NFIX: variants seen among roughly 807,000 people sequenced by gnomAD.
The protein encoded by NFIX is nuclear factor I X, also known as nuclear factor 1 X-type.
A neutral mutation model predicts 53.3 loss-of-function variants in NFIX; 2 were observed. That is an observed-to-expected ratio of 0.04 (90% CI 0.02 to 0.12). NFIX has a LOEUF of 0.12. Ranked by LOEUF, NFIX falls within the 10% of genes least tolerant of loss-of-function variation. The pLI, the probability that NFIX is intolerant of heterozygous loss-of-function variation, is 1.00. For missense variants in NFIX, 310 were observed against 674.5 expected (o/e 0.46, Z 5.99); for synonymous variants, 244 against 289.0 (o/e 0.84, Z 1.58).
At chr19:13,062,017 A>T (rs974677586) in intron 2 of NFIX, among the ~76,000 whole-genome samples, 2 of 152,068 alleles carry the variant, frequency 1.3e-5, no homozygotes, top group African/African-American at 2.4e-5. Flanking sequence ...TCCAAGCTGG[A>T]AATTTGCAGT....
rs928498898 is a variant in NFIX at position 13,027,709 on chromosome 19, C to T, written c.559+2157C>T. Among the ~76,000 whole-genome samples the T allele has an allele frequency of 2.0e-5, 3 of 152,100 alleles. No homozygotes were observed. The highest frequency in any genetic ancestry group is 2.9e-5 in the Non-Finnish European group (2 of 68,026). On this transcript the variant is annotated intron_variant, in intron 2 of 10. Transcript: ENST00000592199. This position sits in a 1 kb window ranked among gnomAD's most constrained non-coding sequence, Gnocchi z 4.3. ...ATGAAAAGTATGTGAGGAAGCAGACCGTTTCCTGGCCAGAAGAAAGGCCCC... is the reference window on the plus strand; with the variant it reads ...ATGAAAAGTATGTGAGGAAGCAGACTGTTTCCTGGCCAGAAGAAAGGCCCC...
At position 13,009,001 on chromosome 19, in the gene NFIX, G is replaced by A. The variant is rs967389827; in HGVS notation, c.27+13137G>A. On this transcript the variant is annotated intron_variant, in intron 1 of 10. Transcript: ENST00000592199. This position sits in a 1 kb window ranked among gnomAD's most constrained non-coding sequence, Gnocchi z 4.7. ...GTCCTCACCGAGGTAGATTTGCGGG[G>A]GTCTCCCAGTCCCAGTCCCACACAC... Among the ~76,000 whole-genome samples, 3 of 152,124 alleles carry A rather than the reference G, an allele frequency of 2.0e-5. No individual in the cohort carries two copies. Among genetic ancestry groups the A allele is most frequent in the Admixed American group, 2.0e-4 (3 of 15,276 alleles).
At position 13,009,100 on chromosome 19, in the gene NFIX, C is replaced by T. The variant is rs1329207869; in HGVS notation, c.27+13236C>T. ...AGTCTGTCGCGCAGTGACAGCCTGT[C>T]ACAAGCACCGCCGCACACCGGCACA... On this transcript the variant is annotated intron_variant, in intron 1 of 10. Transcript: ENST00000592199. The surrounding 1 kb of genome is among the most constrained non-coding windows in gnomAD (Gnocchi z 4.7). Among the ~76,000 whole-genome samples the T allele has an allele frequency of 6.6e-6, 1 of 152,212 alleles. No individual in the cohort carries two copies. The highest frequency in any genetic ancestry group is 2.4e-5 in the African/African-American group (1 of 41,442).
chr19:13,094,381 C>T lies in NFIX; in HGVS notation c.1495-254C>T, dbSNP rs1365528613. On this transcript the variant is annotated intron_variant, in intron 10 of 10. Coordinates refer to ENST00000592199, the MANE Select transcript of NFIX (RefSeq NM_001365902.3). The surrounding 1 kb of genome is among the most constrained non-coding windows in gnomAD (Gnocchi z 4.3). ...CCATGGGGGTCCCACCCGCTGGGCACAGTGCCCACGGGAAGGCCAGCTGGA... is the reference window on the plus strand; with the variant it reads ...CCATGGGGGTCCCACCCGCTGGGCATAGTGCCCACGGGAAGGCCAGCTGGA... Among the ~76,000 whole-genome samples the T allele has an allele frequency of 6.6e-6, 1 of 152,240 alleles. No individual in the cohort carries two copies. The highest frequency in any genetic ancestry group is 2.4e-5 in the African/African-American group (1 of 41,464).
chr19:13,061,077 C>T (rs2016047874), intron 2 of NFIX, among the ~76,000 whole-genome samples: 1 of 143,622 alleles, frequency 7.0e-6, no homozygotes. Flanking sequence ...GTCACGTGGC[C>T]TTAGACCCCC....
chr19:13,038,097 A>G (rs2145251665), intron 2 of NFIX, among the ~76,000 whole-genome samples: 1 of 152,246 alleles, frequency 6.6e-6, no homozygotes, highest in South Asian at 2.1e-4. Flanking sequence ...AACCTTTTCT[A>G]GGAAATCGTG....
At chr19:13,083,256 G>A (rs537041577) in intron 8 of NFIX, among the ~76,000 whole-genome samples, 1 of 152,324 alleles carries the variant, frequency 6.6e-6, no homozygotes, top group South Asian at 2.1e-4. Context: ...GGAGCTACCA[G>A]CCTATGCCCA....
rs1377023196 is a variant in NFIX, at chr19:13,094,664, G to A, written c.*15G>A. 1 of 1,535,848 alleles carries A rather than the reference G, an allele frequency of 6.5e-7. No individual in the cohort carries two copies. On this transcript the variant is annotated 3_prime_UTR_variant, in exon 11 of 11. Transcript: ENST00000592199. The surrounding 1 kb of genome is among the most constrained non-coding windows in gnomAD (Gnocchi z 4.3). ...GGTTCCTCTGATAAGATCGACAAAA[G>A]AAACAACAAAATGAGAAGAAGAGGT... is the stretch of plus-strand genomic sequence containing the variant.
chr19:13,020,206 T>C (rs768666280), intron 1 of NFIX, among the ~76,000 whole-genome samples: 2 of 152,136 alleles, frequency 1.3e-5, no homozygotes, highest in East Asian at 1.9e-4. Context: ...GAACAGGTAA[T>C]CTTCCAACAG....
Position 13,094,567 on chromosome 19 carries a change from C to T in NFIX, c.1495-68C>T. Reference sequence around the variant, plus strand: ...ACCCTTGAGGGGCCAGGTCACTGGGCCAGGTAGGAGTGAGATGGGACCTGC... The same window carrying T: ...ACCCTTGAGGGGCCAGGTCACTGGGTCAGGTAGGAGTGAGATGGGACCTGC... On this transcript the variant is annotated intron_variant, in intron 10 of 10. Transcript: ENST00000592199. This position sits in a 1 kb window ranked among gnomAD's most constrained non-coding sequence, Gnocchi z 4.3. 2.0e-6 allele frequency: 3 copies of T among 1,505,156 alleles called. No individual in the cohort carries two copies. Among genetic ancestry groups the T allele is most frequent in the Non-Finnish European group, 2.7e-6 (3 of 1,120,626 alleles). 93.2% of individuals were successfully genotyped at this position (1,505,156 alleles called of 1,614,324 possible). A position where few individuals can be genotyped will look rare whatever the true frequency, so the allele number is the denominator to read the frequency against.
intron 2 of NFIX, among the ~76,000 whole-genome samples, chr19:13,044,803 T>C (rs2014880068): frequency 6.6e-6 from 1 of 152,166 alleles, no homozygotes; most frequent in African/African-American, 2.4e-5. Flanking sequence ...GTCTCCACCG[T>C]CAGGACTGAG....
intron 1 of NFIX, among the ~76,000 whole-genome samples, chr19:13,007,326 G>A (rs925135518): frequency 4.6e-5 from 7 of 152,136 alleles, no homozygotes; most frequent in Non-Finnish European, 8.8e-5. Context: ...CTGCGTGCTC[G>A]TGTGTATCTC....
chr19:13,064,153 G>A (rs909193267), intron 2 of NFIX, among the ~76,000 whole-genome samples: 30 of 152,224 alleles, frequency 2.0e-4, no homozygotes, highest in South Asian at 6.2e-4. Context: ...GTTTTTCTTC[G>A]TCAAGTTGGG....
At chr19:13,023,823 T>TG (rs745541173) in intron 1 of NFIX, 126 of 120,698 alleles carry the variant, frequency 1.0e-3, no homozygotes, top group Middle Eastern at 4.2e-3. Flanking sequence ...CAATGGAGCA[T>TG]GGGGGGGGGG....
intron 1 of NFIX, among the ~76,000 whole-genome samples, chr19:13,016,558 C>G (rs1292484927): frequency 6.6e-6 from 1 of 150,436 alleles, no homozygotes; most frequent in African/African-American, 2.4e-5. Context: ...TTTTTCTGCA[C>G]ACTTACATTT....
At chr19:13,016,654 G>GTTT (rs200460597) in intron 1 of NFIX, among the ~76,000 whole-genome samples, 1 of 131,962 alleles carries the variant, frequency 7.6e-6, no homozygotes, top group Admixed American at 7.5e-5. Context: ...TTGGGTTTGA[G>GTTT]TTTTTTTTTT....
chr19:13,068,630 A>G lies in NFIX; in HGVS notation c.560-4417A>G, dbSNP rs2016575865. On this transcript the variant is annotated intron_variant, in intron 2 of 10. Transcript: ENST00000592199. The surrounding 1 kb of genome is among the most constrained non-coding windows in gnomAD (Gnocchi z 4.2). ...AATGACCAGTGGTGTGCAGATGAATACAGAGTGGCCCCAGAACCTGGAGCC... is the reference window on the plus strand; with the variant it reads ...AATGACCAGTGGTGTGCAGATGAATGCAGAGTGGCCCCAGAACCTGGAGCC... Among the ~76,000 whole-genome samples, 1 of 152,244 alleles carries G rather than the reference A, an allele frequency of 6.6e-6. No individual in the cohort carries two copies. The highest frequency in any genetic ancestry group is 2.4e-5 in the African/African-American group (1 of 41,462).
chr19:13,001,465 C>T lies in NFIX; in HGVS notation c.27+5601C>T, dbSNP rs907849708. 3.3e-5 allele frequency among the ~76,000 whole-genome samples: 5 copies of T among 152,038 alleles called. No individual in the cohort carries two copies. Among genetic ancestry groups the T allele is most frequent in the East Asian group, 1.9e-4 (1 of 5,184 alleles). ...TAGTCTCTGTGTCACGGTGGCGCTG[C>T]GCACGTCAACGGGTATTGGTGTACC... On this transcript the variant is annotated intron_variant, in intron 1 of 10. Coordinates refer to ENST00000592199, the MANE Select transcript of NFIX (RefSeq NM_001365902.3). This position sits in a 1 kb window ranked among gnomAD's most constrained non-coding sequence, Gnocchi z 6.5.
chr19:13,006,017 G>C lies in NFIX; in HGVS notation c.27+10153G>C, dbSNP rs1023383380. On this transcript the variant is annotated intron_variant, in intron 1 of 10. Transcript: ENST00000592199. This position sits in a 1 kb window ranked among gnomAD's most constrained non-coding sequence, Gnocchi z 5.6. ...ACAAATATTTACCAAGCACCTCCTG[G>C]GTGCCAGGCTCTGTTTTAGGCCCCG... Among the ~76,000 whole-genome samples the C allele has an allele frequency of 6.6e-6, 1 of 152,196 alleles. No individual in the cohort carries two copies. The highest frequency in any genetic ancestry group is 1.9e-4 in the East Asian group (1 of 5,200).
Sources: allele counts gnomAD v4.1 joint callset (sites outside exome capture counted in the v4.1 genomes callset), GRCh38; gene constraint gnomAD v4.1.1; non-coding constraint Gnocchi (gnomAD v3.1); transcripts MANE v1.5; gene names NCBI Gene and HGNC (gene_info 2026-07-23, HGNC 2026-07-21).